Variants in DPP6 observed in about 807,000 individuals in gnomAD.
DPP6 encodes A-type potassium channel modulatory protein DPP6.
Under a neutral mutation model 122.6 loss-of-function variants are expected in DPP6, and 69 were observed. That is an observed-to-expected ratio of 0.56 (90% confidence interval 0.46 to 0.69). The LOEUF (loss-of-function observed/expected upper bound fraction) is 0.69. Among genes scored for constraint, DPP6 ranks in the 30% least tolerant of loss-of-function variants. The pLI is 0.00. For synonymous variants in DPP6, 418 were observed against 433.1 expected (o/e 0.97, Z 0.43); for missense variants, 928 against 1,116.9 (o/e 0.83, Z 2.41).
intron 8 of DPP6, among the ~76,000 whole-genome samples, chr7:154,766,072 T>A (rs2131534275): frequency 6.6e-6 from 1 of 152,348 alleles, no homozygotes; most frequent in African/African-American, 2.4e-5. Context: ...ATCACATTAA[T>A]GAGCAACTAA....
chr7:154,199,717 C>T (rs143045961), intron 1 of DPP6, among the ~76,000 whole-genome samples: 3,855 of 151,852 alleles, frequency 0.025, 188 homozygotes, highest in African/African-American at 0.087. Flanking sequence ...TCAAGTGATT[C>T]TCCTGCCTCA....
At chr7:154,445,586 A>C (rs917777693) in intron 1 of DPP6, among the ~76,000 whole-genome samples, 2 of 152,192 alleles carry the variant, frequency 1.3e-5, no homozygotes, top group Admixed American at 1.3e-4. Flanking sequence ...ACTGAAACCT[A>C]GAATAAGGAT....
At chr7:154,081,194 G>A (rs560278908) in intron 1 of DPP6, among the ~76,000 whole-genome samples, 82 of 151,778 alleles carry the variant, frequency 5.4e-4, no homozygotes, top group African/African-American at 1.9e-3. Context: ...GCAGAGAGCA[G>A]GATGGAGTAG....
intron 1 of DPP6, among the ~76,000 whole-genome samples, chr7:154,369,948 G>A (rs1186954838): frequency 6.6e-6 from 1 of 150,596 alleles, no homozygotes. Context: ...TCATATTCAT[G>A]GGATAGCAGA....
At chr7:154,566,451 T>A (rs1322403320) in intron 4 of DPP6, among the ~76,000 whole-genome samples, 1 of 152,068 alleles carries the variant, frequency 6.6e-6, no homozygotes, top group Non-Finnish European at 1.5e-5. Context: ...CTAGCTAATT[T>A]TGTATTTTTT....
At chr7:154,059,015 A>T (rs1585257092) in intron 1 of DPP6, 1 of 131,168 alleles carries the variant, frequency 7.6e-6, no homozygotes, top group East Asian at 2.3e-4. Flanking sequence ...GGCTCTTAGG[A>T]CCCCCATCGC....
At chr7:154,087,062 T>G (rs1804477954) in intron 1 of DPP6, among the ~76,000 whole-genome samples, 1 of 151,928 alleles carries the variant, frequency 6.6e-6, no homozygotes, top group African/African-American at 2.4e-5. Flanking sequence ...GTTACATATT[T>G]TTTTCCCAAG....
At chr7:154,340,799 A>G (rs1260240135) in intron 1 of DPP6, among the ~76,000 whole-genome samples, 1 of 152,182 alleles carries the variant, frequency 6.6e-6, no homozygotes, top group African/African-American at 2.4e-5. Context: ...ACCTTGCCCC[A>G]GAACAGTGAG....
chr7:154,286,093 G>T (rs1410628514), intron 1 of DPP6, among the ~76,000 whole-genome samples: 17 of 152,122 alleles, frequency 1.1e-4, no homozygotes, highest in Admixed American at 1.1e-3. Flanking sequence ...TTCATAGTTT[G>T]TGTGTTGTTC....
In DPP6 at chr7:154,876,035, G is replaced by A; in HGVS notation, c.2013G>A (p.Lys671=). The change falls in exon 20 of 26, where the codon AAG becomes AAA. Residue 671 remains lysine (K), a synonymous_variant. Coordinates refer to ENST00000377770, the MANE Select transcript of DPP6 (RefSeq NM_130797.4). ...DGRGSGFQGT[K]LLHEVRRRLG... ...GTGGCAGCGGCTTCCAAGGGACCAA[G>A]CTCCTGCACGAAGTGAGGCGGCGGC... 1.2e-6 allele frequency: 2 copies of A among 1,612,468 alleles called. No individual in the cohort carries two copies. The highest frequency in any genetic ancestry group is 1.7e-6 in the Non-Finnish European group (2 of 1,179,148).
intron 8 of DPP6, among the ~76,000 whole-genome samples, chr7:154,730,089 A>G (rs542195058): frequency 3.3e-5 from 5 of 152,318 alleles, no homozygotes; most frequent in East Asian, 1.9e-4. Flanking sequence ...ACTGTTGACA[A>G]TGAGGACTCT....
At chr7:154,060,188 G>A (rs1221790354) in intron 1 of DPP6, among the ~76,000 whole-genome samples, 7 of 143,590 alleles carry the variant, frequency 4.9e-5, no homozygotes, top group Non-Finnish European at 1.5e-5. Context: ...CACCCCTCAC[G>A]ACACGGGGAC....
chr7:154,204,628 T>C (rs756693396), intron 1 of DPP6, among the ~76,000 whole-genome samples: 1 of 152,072 alleles, frequency 6.6e-6, no homozygotes, highest in African/African-American at 2.4e-5. Context: ...GTAGGTGAAA[T>C]GTCTCATGGC....
chr7:154,279,786 ACT>A (rs1804385090), intron 1 of DPP6, among the ~76,000 whole-genome samples: 1 of 152,148 alleles, frequency 6.6e-6, no homozygotes, highest in Admixed American at 6.5e-5. Context: ...ATTTTGTCTA[ACT>A]CTCTGGCTAT....
intron 1 of DPP6, among the ~76,000 whole-genome samples, chr7:154,129,387 A>C (rs1396960896): frequency 1.3e-5 from 2 of 152,200 alleles, no homozygotes; most frequent in Non-Finnish European, 2.9e-5. Context: ...TCATTTTTAG[A>C]GGACAGAGCT....
intron 4 of DPP6, among the ~76,000 whole-genome samples, chr7:154,561,455 A>G (rs116207339): frequency 0.01 from 1,568 of 152,372 alleles, 26 homozygotes; most frequent in African/African-American, 0.034. Flanking sequence ...TCTGGAATGT[A>G]TCTTGATAAT....
At chr7:153,829,277 G>C in the DPP6 span, among the ~76,000 whole-genome samples, 1 of 152,196 alleles carries the variant, frequency 6.6e-6, no homozygotes, top group East Asian at 1.9e-4. Flanking sequence ...GCAGTGGTGC[G>C]ATCTCGGGGC....
chr7:153,806,855 TAAAGG>T, the DPP6 span, among the ~76,000 whole-genome samples: 24,824 of 151,326 alleles, frequency 0.16, 2,373 homozygotes, highest in East Asian at 0.32. Context: ...GCAAAAAGAA[TAAAGG>T]AAAGAGTTTC....
At chr7:153,847,527 TA>T in the DPP6 span, among the ~76,000 whole-genome samples, 1 of 152,238 alleles carries the variant, frequency 6.6e-6, no homozygotes, top group Non-Finnish European at 1.5e-5. Context: ...TGGATTTTGT[TA>T]TCTTTTGCAG....
Sources: gnomAD v4.1 joint callset for allele counts (sites outside exome capture counted in the v4.1 genomes callset) on GRCh38, gnomAD v4.1.1 for gene constraint, MANE v1.5 for transcripts, NCBI Gene and HGNC (gene_info 2026-07-23, HGNC 2026-07-21) for gene names.